The following RALGAPA1 variants were observed in gnomAD, a reference collection of about 807,000 sequenced individuals.
The protein encoded by RALGAPA1 is ral GTPase-activating protein subunit alpha-1.
A neutral mutation model predicts 269.6 loss-of-function variants in RALGAPA1; 52 were observed. The observed-to-expected ratio is 0.19, with a 90% CI of 0.15 to 0.24. RALGAPA1 has a LOEUF of 0.24. RALGAPA1 is among the 10% of genes least tolerant of loss of function. The probability of loss-of-function intolerance (pLI) is 1.00; values close to 1 mark genes in which losing one functional copy is unlikely to be tolerated. For missense variants in RALGAPA1, 1,917 were observed against 3,013.9 expected (o/e 0.64, Z 8.52); for synonymous variants, 817 against 1,008.3 (o/e 0.81, Z 3.60).
At chr14:35,687,359 G>T (rs1329094704) in intron 18 of RALGAPA1, among the ~76,000 whole-genome samples, 1 of 152,046 alleles carries the variant, frequency 6.6e-6, no homozygotes, top group Non-Finnish European at 1.5e-5. Flanking sequence ...TTGAAAAGTT[G>T]ATTTCTCTGC....
chr14:35,690,111 T>C (rs1375140352), intron 17 of RALGAPA1, 108 bp from the exon 18 acceptor site: 4 of 813,356 alleles, frequency 4.9e-6, no homozygotes, highest in Admixed American at 7.2e-5. Flanking sequence ...ATCTGAGTTT[T>C]TGTAAGCTCA....
intron 37 of RALGAPA1, among the ~76,000 whole-genome samples, chr14:35,580,531 GT>G (rs2057887033): frequency 6.6e-6 from 1 of 152,112 alleles, no homozygotes; most frequent in Non-Finnish European, 1.5e-5. Flanking sequence ...TAAACTGAAT[GT>G]TTGGCTAATT....
intron 15 of RALGAPA1, among the ~76,000 whole-genome samples, chr14:35,722,308 A>C (rs1309910718): frequency 6.6e-6 from 1 of 152,224 alleles, no homozygotes; most frequent in Admixed American, 6.5e-5. Flanking sequence ...CTAGCAACTA[A>C]TATTTAACAA....
chr14:35,728,735 C>T (rs907727562), intron 12 of RALGAPA1, among the ~76,000 whole-genome samples: 7 of 141,534 alleles, frequency 4.9e-5, no homozygotes, highest in Admixed American at 1.4e-4. Flanking sequence ...GTATTTCTTT[C>T]TTTTTTTTTT....
chr14:35,655,972 G>T, intron 28 of RALGAPA1, 57 bp from the exon 29 acceptor site: 2 of 1,607,936 alleles, frequency 1.2e-6, no homozygotes, highest in South Asian at 2.2e-5. Context: ...CCACAAACAT[G>T]ACCCACAATC....
chr14:35,776,566 A>G (rs1444229446), intron 1 of RALGAPA1, among the ~76,000 whole-genome samples: 1 of 152,222 alleles, frequency 6.6e-6, no homozygotes, highest in Non-Finnish European at 1.5e-5. Context: ...AACTATATGA[A>G]CAGTAGAAGT....
At position 35,723,276 on chromosome 14, in the gene RALGAPA1, A is replaced by G; in HGVS notation, c.1867-12T>C. 2 of 1,412,846 alleles carry G rather than the reference A, an allele frequency of 1.4e-6. No homozygotes were observed. Among genetic ancestry groups the G allele is most frequent in the Non-Finnish European group, 2.0e-6 (2 of 1,012,280 alleles). The allele number at this position is 1,412,846 out of a possible 1,614,324, so 87.5% of individuals were successfully genotyped here. On this transcript the variant is annotated splice_polypyrimidine_tract_variant and intron_variant, in intron 14 of 41. Coordinates refer to ENST00000680220, the MANE Select transcript of RALGAPA1 (RefSeq NM_001346249.2). ...GCAACTATAAGGGTCTATAAAGACA[A>G]ATATCAGAAATAACAATAAAATGTG... is the stretch of plus-strand genomic sequence containing the variant.
intron 35 of RALGAPA1, among the ~76,000 whole-genome samples, chr14:35,623,904 C>T (rs1314019311): frequency 6.6e-6 from 1 of 152,002 alleles, no homozygotes; most frequent in African/African-American, 2.4e-5. Flanking sequence ...ATGGTGAAAC[C>T]CTGTTTCTAC....
At chr14:35,552,379 C>T (rs2055108497) in intron 39 of RALGAPA1, among the ~76,000 whole-genome samples, 1 of 152,108 alleles carries the variant, frequency 6.6e-6, no homozygotes, top group Admixed American at 6.5e-5. Flanking sequence ...ACACTTACTC[C>T]ATAAAAGGCA....
At chr14:35,765,886 GA>G in intron 4 of RALGAPA1, 1 of 986,482 alleles carries the variant, frequency 1.0e-6, no homozygotes, top group Non-Finnish European at 1.6e-6. Context: ...TCTACTAATG[GA>G]AAAACAAATT....
At chr14:35,786,195 G>A (rs1366676328) in intron 1 of RALGAPA1, among the ~76,000 whole-genome samples, 2 of 152,176 alleles carry the variant, frequency 1.3e-5, no homozygotes, top group Admixed American at 1.3e-4. Flanking sequence ...ATGATACAGA[G>A]TTTCAGTGTG....
chr14:35,694,070 T>C (rs2066707680), intron 17 of RALGAPA1, among the ~76,000 whole-genome samples: 1 of 151,908 alleles, frequency 6.6e-6, no homozygotes, highest in Non-Finnish European at 1.5e-5. Flanking sequence ...TAATAAATAC[T>C]GGTAGAAGAA....
At chr14:35,684,592 C>T (rs565865873) in intron 20 of RALGAPA1, among the ~76,000 whole-genome samples, 2 of 152,200 alleles carry the variant, frequency 1.3e-5, no homozygotes, top group East Asian at 1.9e-4. Context: ...CTTAATTTGG[C>T]AACATAAAGT....
At chr14:35,723,311 T>C (rs1415551332) in intron 14 of RALGAPA1, 47 bp from the exon 15 acceptor site, 31 of 1,060,380 alleles carry the variant, frequency 2.9e-5, no homozygotes, top group Non-Finnish European at 4.3e-5. Flanking sequence ...GTTTAGTGTG[T>C]GACTTCAAAA....
intron 21 of RALGAPA1, among the ~76,000 whole-genome samples, chr14:35,682,360 G>A (rs1206625300): frequency 6.6e-6 from 1 of 151,916 alleles, no homozygotes; most frequent in Non-Finnish European, 1.5e-5. Flanking sequence ...GAGTGCAGTG[G>A]TGTGATCTTG....
intron 35 of RALGAPA1, among the ~76,000 whole-genome samples, chr14:35,617,354 A>G (rs1223320418): frequency 6.6e-6 from 1 of 152,142 alleles, no homozygotes; most frequent in Non-Finnish European, 1.5e-5. Context: ...ACAGTGGCGC[A>G]TGCCTGTAAT....
chr14:35,725,054 C>T lies in RALGAPA1; in HGVS notation c.1836G>A (p.Leu612=). The T allele has an allele frequency of 5.0e-6, 8 of 1,602,044 alleles. No individual in the cohort carries two copies. The highest frequency in any genetic ancestry group is 6.8e-6 in the Non-Finnish European group (8 of 1,174,320). The change falls in exon 14 of 42, where the codon TTG becomes TTA. Residue 612 remains leucine, a synonymous_variant. Transcript: ENST00000680220. ...AAAGTGGTCCTGCAAGTCGACCTGC[C>T]AAGGTCATATTTTTTTTCCCTTGGA... is the stretch of plus-strand genomic sequence containing the variant. The part of the protein sequence containing the change: ...LQFQGKKNMT[L]AGRLAGPLFQ...
At chr14:35,570,793 T>C (rs775187285) in intron 38 of RALGAPA1, 49 bp from the exon 39 acceptor site, 2 of 1,538,648 alleles carry the variant, frequency 1.3e-6, no homozygotes, top group East Asian at 2.3e-5. Context: ...ACAGACAGAT[T>C]GTAAATAAGA....
chr14:35,773,638 A>G (rs2074799781), intron 3 of RALGAPA1, among the ~76,000 whole-genome samples: 1 of 152,108 alleles, frequency 6.6e-6, no homozygotes, highest in Non-Finnish European at 1.5e-5. Context: ...TTCTCTGTGG[A>G]TATTTTTATT....
Sources: gnomAD v4.1 joint callset for allele counts (sites outside exome capture counted in the v4.1 genomes callset) on GRCh38, gnomAD v4.1.1 for gene constraint, MANE v1.5 for transcripts, NCBI Gene and HGNC (gene_info 2026-07-23, HGNC 2026-07-21) for gene names.